Variants in USP49 observed in about 807,000 individuals in gnomAD.
The protein encoded by USP49 is ubiquitin carboxyl-terminal hydrolase 49.
Under a neutral mutation model 58.6 loss-of-function variants are expected in USP49, and 24 were observed. The ratio of observed to expected loss-of-function variants is 0.41; its 90% CI spans 0.30 to 0.58. The LOEUF (loss-of-function observed/expected upper bound fraction) is 0.58, where lower values mean the gene tolerates loss of function less well. USP49 is among the 20% of genes least tolerant of loss of function. The probability of loss-of-function intolerance (pLI) is 0.30; values close to 1 mark genes in which losing one functional copy is unlikely to be tolerated. For missense variants in USP49, 703 were observed against 866.1 expected, an observed-to-expected ratio of 0.81 and a Z score of 2.36; for synonymous variants, 408 against 365.1, an observed-to-expected ratio of 1.12 and a Z score of -1.34.
chr6:41,810,023 G>T (rs1223806502), intron 3 of USP49, among the ~76,000 whole-genome samples: 1 of 148,696 alleles, frequency 6.7e-6, no homozygotes. Context: ...GCGGTGGCGG[G>T]TGCCTTTAGT....
chr6:41,803,516 C>T lies in USP49; in HGVS notation c.1561+290G>A, dbSNP rs1773056978. Among the ~76,000 whole-genome samples the T allele has an allele frequency of 6.6e-6, 1 of 152,214 alleles. No homozygotes were observed. Among genetic ancestry groups the T allele is most frequent in the Non-Finnish European group, 1.5e-5 (1 of 68,044 alleles). ...ACAGGGTTTCACCATGTTGGTCAGGCTGGTCTCAAACTCCTGACCTCAAGT... is the reference window on the plus strand; with the variant it reads ...ACAGGGTTTCACCATGTTGGTCAGGTTGGTCTCAAACTCCTGACCTCAAGT... On this transcript the variant is annotated intron_variant, in intron 5 of 7. Coordinates refer to ENST00000682992, the MANE Select transcript of USP49 (RefSeq NM_001286554.2). This position sits in a 1 kb window ranked among gnomAD's most constrained non-coding sequence, Gnocchi z 4.1.
intron 2 of USP49, among the ~76,000 whole-genome samples, chr6:41,877,936 C>CT (rs1031100224): frequency 1.3e-5 from 2 of 151,802 alleles, no homozygotes; most frequent in African/African-American, 2.4e-5. Flanking sequence ...TTATAAAATT[C>CT]TTTTTTTAGA....
chr6:41,863,037 A>C (rs1235817126), intron 3 of USP49, among the ~76,000 whole-genome samples: 1 of 152,060 alleles, frequency 6.6e-6, no homozygotes, highest in Non-Finnish European at 1.5e-5. Context: ...TCAGCCTCCC[A>C]AAATGTTGGG....
At chr6:41,887,151 G>A (rs1009249221) in intron 2 of USP49, 1 of 152,194 alleles carries the variant, frequency 6.6e-6, no homozygotes, top group Non-Finnish European at 1.5e-5. Flanking sequence ...AAATGCTAAA[G>A]CCAAGCTATA....
chr6:41,805,606 G>A (rs1444479005), intron 4 of USP49, 22 bp downstream of exon 4: 6 of 1,592,916 alleles, frequency 3.8e-6, no homozygotes, highest in Middle Eastern at 1.7e-4. Context: ...GCCTCTCATT[G>A]TCATGGTAGG....
chr6:41,873,514 C>T (rs1774451738), intron 2 of USP49, among the ~76,000 whole-genome samples: 1 of 152,212 alleles, frequency 6.6e-6, no homozygotes, highest in African/African-American at 2.4e-5. Context: ...GGATCTGAGG[C>T]AACCGTATCC....
Position 41,791,158 on chromosome 6 carries a change from A to C in USP49, c.*5375T>G, listed in dbSNP as rs761911095. The C allele has an allele frequency of 1.3e-5, 2 of 152,262 alleles. No homozygotes were observed. Among genetic ancestry groups the C allele is most frequent in the Non-Finnish European group, 2.9e-5 (2 of 68,040 alleles). The allele number at this position is 152,262 out of a possible 1,614,324, so 9.4% of individuals were successfully genotyped here. On this transcript the variant is annotated 3_prime_UTR_variant, in exon 8 of 8. Coordinates refer to ENST00000682992, the MANE Select transcript of USP49 (RefSeq NM_001286554.2). ...AAGAATTAAGACATGGCAGCTTCCA[A>C]AAGCATAATTCAAATTTCATTCAAA...
At chr6:41,892,762 A>G (rs1774830999) in intron 1 of USP49, among the ~76,000 whole-genome samples, 1 of 152,242 alleles carries the variant, frequency 6.6e-6, no homozygotes, top group African/African-American at 2.4e-5. Context: ...TGAAAAAAAA[A>G]GTATCTTTGT....
At chr6:41,835,540 C>T (rs1413530881) in intron 3 of USP49, among the ~76,000 whole-genome samples, 4 of 151,704 alleles carry the variant, frequency 2.6e-5, no homozygotes, top group Non-Finnish European at 4.4e-5. Flanking sequence ...GGTGAAACCC[C>T]GTCTCTACAA....
intron 3 of USP49, among the ~76,000 whole-genome samples, chr6:41,862,853 A>G (rs190204046): frequency 4.0e-5 from 6 of 150,756 alleles, no homozygotes; most frequent in Non-Finnish European, 8.9e-5. Flanking sequence ...GGCTCACTGC[A>G]ACCTCCACCT....
Position 41,819,956 on chromosome 6 carries a change from G to GGT in USP49, c.-28-12946_-28-12945insAC, listed in dbSNP as rs201976334. On this transcript the variant is annotated intron_variant, in intron 3 of 7. Coordinates refer to ENST00000682992, the MANE Select transcript of USP49 (RefSeq NM_001286554.2). ...AAATCGAAATGTGGCAAATGCTACA[G>GGT]GATCAGTCAGTCATATGGGTTCTTT... is the stretch of plus-strand genomic sequence containing the variant. 3.9e-5 allele frequency among the ~76,000 whole-genome samples: 6 copies of GGT among 152,278 alleles called. No homozygotes were observed. The East Asian group carries it at 9.6e-4, about 24-fold the overall frequency.
chr6:41,814,415 C>G (rs1773313152), intron 3 of USP49, among the ~76,000 whole-genome samples: 1 of 152,068 alleles, frequency 6.6e-6, no homozygotes, highest in African/African-American at 2.4e-5. Context: ...TGAAAAACTT[C>G]TAGATTTATC....
chr6:41,809,323 G>A (rs540235290), intron 3 of USP49, among the ~76,000 whole-genome samples: 1 of 151,516 alleles, frequency 6.6e-6, no homozygotes, highest in African/African-American at 2.4e-5. Context: ...AGGAGCTCGA[G>A]ACCAGACTGA....
At chr6:41,869,896 TA>T (rs1307464465) in intron 3 of USP49, among the ~76,000 whole-genome samples, 2 of 152,120 alleles carry the variant, frequency 1.3e-5, no homozygotes, top group Non-Finnish European at 2.9e-5. Flanking sequence ...TATTCATATA[TA>T]ACTATAAACA....
At chr6:41,816,406 C>G (rs1472732793) in intron 3 of USP49, among the ~76,000 whole-genome samples, 2 of 152,192 alleles carry the variant, frequency 1.3e-5, no homozygotes, top group Admixed American at 6.5e-5. Flanking sequence ...ACTGCACAAA[C>G]ATTCTCTTGA....
At chr6:41,812,738 A>G (rs1364816629) in intron 3 of USP49, among the ~76,000 whole-genome samples, 1 of 152,190 alleles carries the variant, frequency 6.6e-6, no homozygotes, top group Admixed American at 6.5e-5. Flanking sequence ...GTATAGGGAT[A>G]AAAGACTCTT....
At position 41,803,510 on chromosome 6, in the gene USP49, G is replaced by A. The variant is rs1427040708; in HGVS notation, c.1561+296C>T. On this transcript the variant is annotated intron_variant, in intron 5 of 7. Coordinates refer to ENST00000682992, the MANE Select transcript of USP49 (RefSeq NM_001286554.2). The surrounding 1 kb of genome is among the most constrained non-coding windows in gnomAD (Gnocchi z 4.1). Reference sequence around the variant, plus strand: ...GTAGAGACAGGGTTTCACCATGTTGGTCAGGCTGGTCTCAAACTCCTGACC... The same window carrying A: ...GTAGAGACAGGGTTTCACCATGTTGATCAGGCTGGTCTCAAACTCCTGACC... 1.3e-5 allele frequency among the ~76,000 whole-genome samples: 2 copies of A among 152,170 alleles called. No homozygotes were observed. Among genetic ancestry groups the A allele is most frequent in the African/African-American group, 2.4e-5 (1 of 41,436 alleles).
intron 2 of USP49, among the ~76,000 whole-genome samples, chr6:41,891,240 C>T (rs931606897): frequency 2.0e-5 from 3 of 152,190 alleles, no homozygotes; most frequent in Admixed American, 1.3e-4. Flanking sequence ...AATGCAAAGG[C>T]TGGAATCCCA....
chr6:41,855,241 A>T (rs1774105833), intron 3 of USP49, among the ~76,000 whole-genome samples: 1 of 150,910 alleles, frequency 6.6e-6, no homozygotes, highest in African/African-American at 2.4e-5. Flanking sequence ...TTGGCCAGGC[A>T]CGGTGGCTCA....
Sources: allele counts gnomAD v4.1 joint callset (sites outside exome capture counted in the v4.1 genomes callset), GRCh38; gene constraint gnomAD v4.1.1; non-coding constraint Gnocchi (gnomAD v3.1); transcripts MANE v1.5; gene names NCBI Gene and HGNC (gene_info 2026-07-23, HGNC 2026-07-21).